Variants in ICAM5 observed in about 807,000 individuals in gnomAD.
ICAM5 encodes ICAM-5.
In ICAM5, 38 loss-of-function variants were observed where a neutral mutation model predicts 78.8. The observed-to-expected ratio is 0.48, with a 90% CI of 0.37 to 0.63. ICAM5 has a LOEUF of 0.63. Among genes scored for constraint, ICAM5 ranks in the 30% least tolerant of loss-of-function variants. ICAM5 has a pLI of 0.00. For synonymous variants in ICAM5, 544 were observed against 590.9 expected, an observed-to-expected ratio of 0.92 and a Z score of 1.15; for missense variants, 1,059 against 1,303.0, an observed-to-expected ratio of 0.81 and a Z score of 2.88.
At chr19:10,292,437 G>C in intron 4 of ICAM5, 115 bp downstream of exon 4, 1 of 1,364,178 alleles carries the variant, frequency 7.3e-7, no homozygotes, top group Non-Finnish European at 9.9e-7. Context: ...GAGGGGCGGG[G>C]CAGGTGGGGG....
Position 10,294,753 on chromosome 19 carries a change from C to G in ICAM5, c.2230+113C>G. Reference sequence around the variant, plus strand: ...ATCCCATTCTCGGGGACAGGGAATTCCAGCCTAAACCAGGGGGTAATGAAA... The same window carrying G: ...ATCCCATTCTCGGGGACAGGGAATTGCAGCCTAAACCAGGGGGTAATGAAA... On this transcript the variant is annotated intron_variant, in intron 9 of 10. Coordinates refer to ENST00000221980, the MANE Select transcript of ICAM5 (RefSeq NM_003259.4). This position sits in a 1 kb window ranked among gnomAD's most constrained non-coding sequence, Gnocchi z 7.7. 1 of 1,473,464 alleles carries G rather than the reference C, an allele frequency of 6.8e-7. No homozygotes were observed. Among genetic ancestry groups the G allele is most frequent in the East Asian group, 2.3e-5 (1 of 43,230 alleles). 91.3% of individuals were successfully genotyped at this position (1,473,464 alleles called of 1,614,324 possible).
At chr19:10,295,259 T>G in intron 9 of ICAM5, 87 bp from the exon 10 acceptor site, 1 of 1,379,100 alleles carries the variant, frequency 7.3e-7, no homozygotes, top group Non-Finnish European at 9.5e-7. Context: ...CGCGGTGGTC[T>G]CCCATCGATC....
Position 10,293,009 on chromosome 19 carries a change from C to G in ICAM5, c.1228C>G (p.Leu410Val), listed in dbSNP as rs1159055061. 2 of 1,610,938 alleles carry G rather than the reference C, an allele frequency of 1.2e-6. No individual in the cohort carries two copies. The highest frequency in any genetic ancestry group is 1.1e-5 in the South Asian group (1 of 91,084). ...CGCCCTGCCCGCAGACGCTCCCCGG[C>G]TAGACGATTCGGACTGCCCCAGGAG... is the stretch of plus-strand genomic sequence containing the variant. ...AELRVLYAPR[L>V]DDSDCPRSWT... The change falls in exon 6 of 11, where the codon CTA becomes GTA. Residue 410 changes from leucine to valine, a missense_variant. Transcript: ENST00000221980. This position sits in a 1 kb window ranked among gnomAD's most constrained non-coding sequence, Gnocchi z 5.0.
At chr19:10,292,479 G>A in intron 4 of ICAM5, 133 bp from the exon 5 acceptor site, 1 of 1,387,658 alleles carries the variant, frequency 7.2e-7, no homozygotes, top group Non-Finnish European at 9.8e-7. Context: ...GGAGGAGCCT[G>A]TACAGCCTGA....
Position 10,290,048 on chromosome 19 carries a change from C to T in ICAM5, c.5C>T (p.Pro2Leu). The T allele has an allele frequency of 1.9e-6, 3 of 1,541,126 alleles. No homozygotes were observed. Among genetic ancestry groups the T allele is most frequent in the Non-Finnish European group, 2.6e-6 (3 of 1,145,334 alleles). The change falls in exon 1 of 11, where the codon CCA becomes CTA. Residue 2 changes from proline (P) to leucine (L), a missense_variant. Pro to Leu is a moderately conservative substitution (Grantham distance 98). Coordinates refer to ENST00000221980, the MANE Select transcript of ICAM5 (RefSeq NM_003259.4). The surrounding 1 kb of genome is among the most constrained non-coding windows in gnomAD (Gnocchi z 5.7). ...TGTGCTTTCCCCGCCGCGGCGATGCCAGGGCCTTCGCCAGGGCTGCGCCGG... is the reference window on the plus strand; with the variant it reads ...TGTGCTTTCCCCGCCGCGGCGATGCTAGGGCCTTCGCCAGGGCTGCGCCGG... M[P>L]GPSPGLRRAL...
At position 10,290,179 on chromosome 19, in the gene ICAM5, CCT is replaced by C. The variant is rs920483377; in HGVS notation, c.82+55_82+56del. 3.0e-6 allele frequency: 4 copies of C among 1,332,264 alleles called. No individual in the cohort carries two copies. Among genetic ancestry groups the C allele is most frequent in the Non-Finnish European group, 4.0e-6 (4 of 995,714 alleles). The allele number at this position is 1,332,264 out of a possible 1,614,324, so 82.5% of individuals were successfully genotyped here. On this transcript the variant is annotated intron_variant, in intron 1 of 10. Transcript: ENST00000221980. This position sits in a 1 kb window ranked among gnomAD's most constrained non-coding sequence, Gnocchi z 5.7. ...ACAGGGCGGGGGCGGAGTCCCTGGA[CCT>C]GAGAAACGGCCTCCTGTCCCTCCCA...
Position 10,294,753 on chromosome 19 carries a change from C to A in ICAM5, c.2230+113C>A. 6.8e-6 allele frequency: 10 copies of A among 1,473,464 alleles called. No homozygotes were observed. The highest frequency in any genetic ancestry group is 9.2e-6 in the Non-Finnish European group (10 of 1,086,594). The allele number at this position is 1,473,464 out of a possible 1,614,324, so 91.3% of individuals were successfully genotyped here. ...ATCCCATTCTCGGGGACAGGGAATT[C>A]CAGCCTAAACCAGGGGGTAATGAAA... On this transcript the variant is annotated intron_variant, in intron 9 of 10. Coordinates refer to ENST00000221980, the MANE Select transcript of ICAM5 (RefSeq NM_003259.4). The surrounding 1 kb of genome is among the most constrained non-coding windows in gnomAD (Gnocchi z 7.7).
At chr19:10,295,746 A>T in intron 10 of ICAM5, 134 bp downstream of exon 10, 1 of 1,069,456 alleles carries the variant, frequency 9.4e-7, no homozygotes. Flanking sequence ...GTAGAAGTCA[A>T]AGGTGCCTTA....
rs769669282 is a variant in ICAM5 at position 10,291,466 on chromosome 19, C to T, written c.353-23C>T. 3.7e-6 allele frequency: 6 copies of T among 1,611,440 alleles called. No homozygotes were observed. In the South Asian group the frequency reaches 6.6e-5, roughly 18 times the overall value. Reference sequence around the variant, plus strand: ...GTTCCAAGTCCCGGTGTTCAAAGAGCTGCGGACTCTTCCCCCTTGCAGAGC... The same window carrying T: ...GTTCCAAGTCCCGGTGTTCAAAGAGTTGCGGACTCTTCCCCCTTGCAGAGC... On this transcript the variant is annotated intron_variant, in intron 2 of 10. Coordinates refer to ENST00000221980, the MANE Select transcript of ICAM5 (RefSeq NM_003259.4).
In ICAM5 at chr19:10,296,699, T is replaced by C. The variant is rs575420371; in HGVS notation, c.*83T>C. The stretch of plus-strand genomic sequence containing the variant: ...ATTTATTGCTTTATTTATTTACTTA[T>C]TCATTTATTTATGTATTCAACTCCA... On this transcript the variant is annotated 3_prime_UTR_variant, in exon 11 of 11. Transcript: ENST00000221980. 4 of 1,118,964 alleles carry C rather than the reference T, an allele frequency of 3.6e-6. No individual in the cohort carries two copies. In the East Asian group the frequency reaches 1.2e-4, roughly 34 times the overall value. 69.3% of individuals were successfully genotyped at this position (1,118,964 alleles called of 1,614,324 possible). A position where few individuals can be genotyped will look rare whatever the true frequency, so the allele number is the denominator to read the frequency against.
Position 10,290,767 on chromosome 19 carries a change from G to GTGTT in ICAM5, c.83-304_83-301dup. 4.1e-6 allele frequency: 2 copies of GTGTT among 490,652 alleles called. No homozygotes were observed. The highest frequency in any genetic ancestry group is 7.2e-6 in the Non-Finnish European group (2 of 276,020). 30.4% of individuals were successfully genotyped at this position (490,652 alleles called of 1,614,324 possible). ...CGGGTCCCCTTCTCTCAGCCTTGCT[G>GTGTT]TGTTCATCCAAGAACCCACCTTTCC... On this transcript the variant is annotated intron_variant, in intron 1 of 10. Coordinates refer to ENST00000221980, the MANE Select transcript of ICAM5 (RefSeq NM_003259.4). This position sits in a 1 kb window ranked among gnomAD's most constrained non-coding sequence, Gnocchi z 5.7.
rs2040206583 is a variant in ICAM5 at position 10,294,688 on chromosome 19, T to G, written c.2230+48T>G. 2 of 1,608,174 alleles carry G rather than the reference T, an allele frequency of 1.2e-6. No homozygotes were observed. The highest frequency in any genetic ancestry group is 1.7e-6 in the Non-Finnish European group (2 of 1,178,526). The stretch of plus-strand genomic sequence containing the variant: ...GGAGGGGACACGGTCCTCGGAAGAA[T>G]GACTCGCAGCGGTGGGAGCATTCAA... On this transcript the variant is annotated intron_variant, in intron 9 of 10. Transcript: ENST00000221980. This position sits in a 1 kb window ranked among gnomAD's most constrained non-coding sequence, Gnocchi z 7.7.
chr19:10,294,864 G>C lies in ICAM5; in HGVS notation c.2230+224G>C, dbSNP rs2040207844. Among the ~76,000 whole-genome samples the C allele has an allele frequency of 6.6e-6, 1 of 152,118 alleles. No individual in the cohort carries two copies. The highest frequency in any genetic ancestry group is 6.6e-5 in the Admixed American group (1 of 15,266). On this transcript the variant is annotated intron_variant, in intron 9 of 10. Coordinates refer to ENST00000221980, the MANE Select transcript of ICAM5 (RefSeq NM_003259.4). The surrounding 1 kb of genome is among the most constrained non-coding windows in gnomAD (Gnocchi z 7.7). ...ATGAATCACTTGAGGCCAGGAGTTC[G>C]AGACCAGCCCGGCCAACATGGCGAA...
intron 10 of ICAM5, 26 bp downstream of exon 10, chr19:10,295,638 G>A: frequency 1.3e-6 from 2 of 1,529,518 alleles, no homozygotes; most frequent in Non-Finnish European, 1.8e-6. Context: ...GGAGAGGCGG[G>A]GCGAGGTATC....
Position 10,294,780 on chromosome 19 carries a change from T to C in ICAM5, c.2230+140T>C, listed in dbSNP as rs1358564943. The C allele has an allele frequency of 2.2e-6, 3 of 1,355,262 alleles. No individual in the cohort carries two copies. The highest frequency in any genetic ancestry group is 1.5e-5 in the African/African-American group (1 of 67,986). The allele number at this position is 1,355,262 out of a possible 1,614,324, so 84.0% of individuals were successfully genotyped here. On this transcript the variant is annotated intron_variant, in intron 9 of 10. Transcript: ENST00000221980. This position sits in a 1 kb window ranked among gnomAD's most constrained non-coding sequence, Gnocchi z 7.7. ...AGCCTAAACCAGGGGGTAATGAAAA[T>C]TCTAGCCAGGCGCAGTGGCTCAGGT...
intron 4 of ICAM5, 130 bp from the exon 5 acceptor site, chr19:10,292,482 C>T: frequency 3.6e-6 from 5 of 1,396,342 alleles, no homozygotes; most frequent in Non-Finnish European, 4.9e-6. Flanking sequence ...GGAGCCTGTA[C>T]AGCCTGAGAG....
At chr19:10,291,011 TA>T in intron 1 of ICAM5, 60 bp from the exon 2 acceptor site, 1 of 1,533,858 alleles carries the variant, frequency 6.5e-7, no homozygotes, top group South Asian at 1.2e-5. Flanking sequence ...TGACTCGACA[TA>T]GGGGCGCTAA....
chr19:10,293,487 G>GT lies in ICAM5; in HGVS notation c.1466-208dup, dbSNP rs2040193285. Among the ~76,000 whole-genome samples the GT allele has an allele frequency of 6.6e-6, 1 of 152,160 alleles. No individual in the cohort carries two copies. The highest frequency in any genetic ancestry group is 6.5e-5 in the Admixed American group (1 of 15,276). On this transcript the variant is annotated intron_variant, in intron 6 of 10. Coordinates refer to ENST00000221980, the MANE Select transcript of ICAM5 (RefSeq NM_003259.4). This position sits in a 1 kb window ranked among gnomAD's most constrained non-coding sequence, Gnocchi z 5.0. ...CGTGGAAAGGCGGGCAGTCCAGAGT[G>GT]TTTAAGTTTTTAGACGAAAAAGGCG...
chr19:10,292,007 A>G (rs780914791), intron 3 of ICAM5, 28 bp from the exon 4 acceptor site: 1 of 1,603,464 alleles, frequency 6.2e-7, no homozygotes, highest in Non-Finnish European at 8.5e-7. Flanking sequence ...GCTCGGAGTT[A>G]GTTCAAACTT....
Sources: gnomAD v4.1 joint callset for allele counts (sites outside exome capture counted in the v4.1 genomes callset) on GRCh38, gnomAD v4.1.1 for gene constraint, Gnocchi (gnomAD v3.1) non-coding constraint, MANE v1.5 for transcripts, NCBI Gene and HGNC (gene_info 2026-07-23, HGNC 2026-07-21) for gene names.